Variants in SEC62 observed in about 807,000 individuals in gnomAD.
SEC62 encodes SEC62 preprotein translocation factor, also known as translocation protein SEC62.
A neutral mutation model predicts 47.5 loss-of-function variants in SEC62; 10 were observed. The ratio of observed to expected loss-of-function variants is 0.21; its 90% CI spans 0.13 to 0.36. The LOEUF (loss-of-function observed/expected upper bound fraction) is 0.36. SEC62 is among the 10% of genes least tolerant of loss of function. The probability of loss-of-function intolerance (pLI) is 1.00; values close to 1 mark genes in which losing one functional copy is unlikely to be tolerated. For missense variants in SEC62, 327 were observed against 464.1 expected, an observed-to-expected ratio of 0.70 and a Z score of 2.71; for synonymous variants, 136 against 150.5, an observed-to-expected ratio of 0.90 and a Z score of 0.71.
intron 3 of SEC62, among the ~76,000 whole-genome samples, chr3:169,979,303 C>T (rs768750248): frequency 4.6e-5 from 7 of 152,140 alleles, no homozygotes; most frequent in Non-Finnish European, 1.0e-4. Flanking sequence ...GGTCTCTTGA[C>T]CAGTTTCTTT....
Position 169,991,732 on chromosome 3 carries a change from A to G in SEC62, c.731-862A>G, listed in dbSNP as rs76039639. Among the ~76,000 whole-genome samples the G allele has an allele frequency of 5.7e-3, 867 of 152,308 alleles. 8 individuals are homozygous for G. The highest frequency in any genetic ancestry group is 0.02 in the African/African-American group (829 of 41,568). On this transcript the variant is annotated intron_variant, in intron 7 of 7. Transcript: ENST00000337002. The stretch of plus-strand genomic sequence containing the variant: ...AAATAAATAAGAAAACAAGGATTAA[A>G]AGATGGAAACTTTCTAATACTGGGG...
intron 6 of SEC62, among the ~76,000 whole-genome samples, chr3:169,987,385 C>T (rs956781816): frequency 1.3e-5 from 2 of 152,178 alleles, no homozygotes; most frequent in African/African-American, 4.8e-5. Context: ...TGCCACTGTA[C>T]TGCAGCCTGG....
chr3:169,991,349 G>T (rs2108289016), intron 7 of SEC62, among the ~76,000 whole-genome samples: 1 of 152,284 alleles, frequency 6.6e-6, no homozygotes, highest in Non-Finnish European at 1.5e-5. Context: ...ATAAAGCCAG[G>T]AGTTTAAGAC....
In SEC62 at chr3:169,994,050, T is replaced by C. The variant is rs1347267402; in HGVS notation, c.*987T>C. ...GCTTTGTACGCCTTAATGTTCATTT[T>C]GATTTATTTTAAATCTTTACATTCA... On this transcript the variant is annotated 3_prime_UTR_variant, in exon 8 of 8. Transcript: ENST00000337002. 1.3e-5 allele frequency: 2 copies of C among 152,642 alleles called. No homozygotes were observed. Among genetic ancestry groups the C allele is most frequent in the African/African-American group, 4.8e-5 (2 of 41,464 alleles). 9.5% of individuals were successfully genotyped at this position (152,642 alleles called of 1,614,324 possible).
Position 169,975,729 on chromosome 3 carries a change from C to T in SEC62, c.145+13C>T. The T allele has an allele frequency of 6.5e-7, 1 of 1,535,772 alleles. No homozygotes were observed. The highest frequency in any genetic ancestry group is 9.0e-7 in the Non-Finnish European group (1 of 1,109,102). On this transcript the variant is annotated intron_variant, in intron 2 of 7. Transcript: ENST00000337002. Reference sequence around the variant, plus strand: ...GATTATTTTATTGGTAGGATTATATCAGTAAAATCGTATTAGTGTACATAT... The same window carrying T: ...GATTATTTTATTGGTAGGATTATATTAGTAAAATCGTATTAGTGTACATAT...
chr3:169,975,471 G>C, intron 1 of SEC62, 137 bp from the exon 2 acceptor site: 1 of 542,324 alleles, frequency 1.8e-6, no homozygotes, highest in Non-Finnish European at 3.3e-6. Flanking sequence ...TACTTTATTA[G>C]GTCGCTCCAG....
chr3:169,967,518 T>C (rs1361565918), intron 1 of SEC62, among the ~76,000 whole-genome samples: 1 of 152,166 alleles, frequency 6.6e-6, no homozygotes, highest in Non-Finnish European at 1.5e-5. Context: ...CACAACCTCG[T>C]TGGTGCTGCA....
intron 3 of SEC62, 45 bp from the exon 4 acceptor site, chr3:169,982,662 T>C (rs1715004199): frequency 6.3e-7 from 1 of 1,594,068 alleles, no homozygotes. Flanking sequence ...CTTTTCAGTC[T>C]CTATCTATAT....
Position 169,996,921 on chromosome 3 carries a change from CA to C in SEC62, c.*3860del, listed in dbSNP as rs1559969830. ...TTCTTATTGGAATCAAGACCAATAC[CA>C]AGGAGAAATTCCTAGGGAACAAAAA... is the stretch of plus-strand genomic sequence containing the variant. On this transcript the variant is annotated 3_prime_UTR_variant, in exon 8 of 8. Transcript: ENST00000337002. 1.3e-5 allele frequency: 2 copies of C among 152,190 alleles called. No individual in the cohort carries two copies. The highest frequency in any genetic ancestry group is 2.9e-5 in the Non-Finnish European group (2 of 68,034). 9.4% of individuals were successfully genotyped at this position (152,190 alleles called of 1,614,324 possible). A position where few individuals can be genotyped will look rare whatever the true frequency, so the allele number is the denominator to read the frequency against.
chr3:169,984,378 G>A (rs1247919893), intron 5 of SEC62, among the ~76,000 whole-genome samples: 1 of 152,188 alleles, frequency 6.6e-6, no homozygotes. Flanking sequence ...TGTTAATATA[G>A]TACAGTGTGG....
chr3:169,986,519 A>C, intron 6 of SEC62, among the ~76,000 whole-genome samples: 1 of 152,208 alleles, frequency 6.6e-6, no homozygotes, highest in Admixed American at 6.5e-5. Context: ...GTACATGTGC[A>C]AGGATATTAT....
At chr3:169,968,170 C>G (rs1002399331) in intron 1 of SEC62, among the ~76,000 whole-genome samples, 1 of 152,098 alleles carries the variant, frequency 6.6e-6, no homozygotes, top group Non-Finnish European at 1.5e-5. Context: ...ATTCCTCTGA[C>G]GTGGGTATAC....
intron 3 of SEC62, 146 bp downstream of exon 3, chr3:169,977,197 T>G: frequency 2.1e-6 from 1 of 479,160 alleles, no homozygotes. Context: ...TTGGTACCTC[T>G]GGAAATGTGT....
chr3:169,975,154 A>C (rs1330460625), intron 1 of SEC62, among the ~76,000 whole-genome samples: 2 of 151,900 alleles, frequency 1.3e-5, no homozygotes, highest in Admixed American at 1.3e-4. Context: ...GGTGGCAGGC[A>C]CCTGTAATAC....
intron 3 of SEC62, among the ~76,000 whole-genome samples, chr3:169,980,308 A>G (rs976557966): frequency 6.6e-6 from 1 of 152,164 alleles, no homozygotes; most frequent in Non-Finnish European, 1.5e-5. Flanking sequence ...AGCAAAGGGC[A>G]TAGAACACAC....
At chr3:169,988,522 T>C (rs550469926) in intron 7 of SEC62, among the ~76,000 whole-genome samples, 163 bp downstream of exon 7, 3 of 152,306 alleles carry the variant, frequency 2.0e-5, no homozygotes, top group African/African-American at 7.2e-5. Context: ...CTTGGTAAGA[T>C]GTGTTCTGTC....
chr3:169,995,202 A>G lies in SEC62; in HGVS notation c.*2139A>G, dbSNP rs1345099464. ...TTAATAGAATGGCGATTTTTTTTTA[A>G]GAACTTCAGATTTGCTATGCTGCTG... On this transcript the variant is annotated 3_prime_UTR_variant, in exon 8 of 8. Transcript: ENST00000337002. 1 of 152,162 alleles carries G rather than the reference A, an allele frequency of 6.6e-6. No homozygotes were observed. Among genetic ancestry groups the G allele is most frequent in the Non-Finnish European group, 1.5e-5 (1 of 68,006 alleles). 9.4% of individuals were successfully genotyped at this position (152,162 alleles called of 1,614,324 possible).
chr3:169,984,919 G>C (rs1452878749), intron 5 of SEC62, among the ~76,000 whole-genome samples: 1 of 152,176 alleles, frequency 6.6e-6, no homozygotes. Context: ...AATTTCTGTT[G>C]TGTAAAATAA....
At chr3:169,982,625 T>TAA (rs1317318718) in intron 3 of SEC62, 82 bp from the exon 4 acceptor site, 2 of 1,521,342 alleles carry the variant, frequency 1.3e-6, no homozygotes, top group African/African-American at 2.8e-5. Context: ...TTCCTTTGCT[T>TAA]ATTTTATTCA....
Sources: gnomAD v4.1 joint callset for allele counts (sites outside exome capture counted in the v4.1 genomes callset) on GRCh38, gnomAD v4.1.1 for gene constraint, MANE v1.5 for transcripts, NCBI Gene and HGNC (gene_info 2026-07-23, HGNC 2026-07-21) for gene names.